The following MARCHF6 variants were observed in gnomAD, a reference collection of about 807,000 sequenced individuals.
MARCHF6 encodes membrane associated ring-CH-type finger 6.
Under a neutral mutation model 133.7 loss-of-function variants are expected in MARCHF6, and 31 were observed. The observed-to-expected ratio is 0.23, with a 90% CI of 0.17 to 0.31. The LOEUF (loss-of-function observed/expected upper bound fraction) is 0.31. Ranked by LOEUF, MARCHF6 falls within the 10% of genes least tolerant of loss-of-function variation. The pLI, the probability that MARCHF6 is intolerant of heterozygous loss-of-function variation, is 1.00. For missense variants in MARCHF6, 723 were observed against 1,121.6 expected (o/e 0.64, Z 5.08); for synonymous variants, 395 against 402.5 (o/e 0.98, Z 0.22).
At chr5:10,385,269 T>C (rs757780830) in intron 4 of MARCHF6, among the ~76,000 whole-genome samples, 59 of 152,168 alleles carry the variant, frequency 3.9e-4, no homozygotes, top group Non-Finnish European at 6.6e-4. Context: ...ACCAAAGATA[T>C]ACATATTTTA....
At chr5:10,403,067 T>C (rs1281272084) in intron 14 of MARCHF6, among the ~76,000 whole-genome samples, 2 of 152,206 alleles carry the variant, frequency 1.3e-5, no homozygotes, top group East Asian at 3.8e-4. Context: ...AAGCTGCCTT[T>C]GGTTCTGAGA....
chr5:10,373,477 T>C (rs367904291), intron 1 of MARCHF6, among the ~76,000 whole-genome samples: 31 of 152,274 alleles, frequency 2.0e-4, no homozygotes, highest in Middle Eastern at 3.4e-3. Context: ...CAGGGCTAGG[T>C]TGTCTAGGTG....
chr5:10,393,579 A>G (rs771763169), intron 7 of MARCHF6, among the ~76,000 whole-genome samples: 1 of 152,162 alleles, frequency 6.6e-6, no homozygotes, highest in Admixed American at 6.5e-5. Context: ...AGTAGCTCCT[A>G]ACTATTCTTT....
chr5:10,381,226 A>G (rs1370251583), intron 3 of MARCHF6, among the ~76,000 whole-genome samples: 1 of 152,224 alleles, frequency 6.6e-6, no homozygotes, highest in Non-Finnish European at 1.5e-5. Context: ...GTGTTGAGCC[A>G]CATTTCTCAG....
chr5:10,437,064 TAAAAC>T lies in MARCHF6; in HGVS notation c.*3389_*3393del, dbSNP rs1369655467. On this transcript the variant is annotated 3_prime_UTR_variant, in exon 26 of 26. Coordinates refer to ENST00000274140, the MANE Select transcript of MARCHF6 (RefSeq NM_005885.4). ...AATTTAGGTTGAATTGATGACTTTT[TAAAAC>T]AAAACAAACACTGGACAGTTCTACA... is the stretch of plus-strand genomic sequence containing the variant. The T allele has an allele frequency of 6.6e-6, 1 of 152,258 alleles. No individual in the cohort carries two copies. The highest frequency in any genetic ancestry group is 1.5e-5 in the Non-Finnish European group (1 of 68,042). 9.4% of individuals were successfully genotyped at this position (152,258 alleles called of 1,614,324 possible).
intron 22 of MARCHF6, among the ~76,000 whole-genome samples, chr5:10,419,867 CAG>C (rs1052049099): frequency 2.6e-5 from 4 of 152,182 alleles, no homozygotes; most frequent in Non-Finnish European, 4.4e-5. Flanking sequence ...GATATTAAGA[CAG>C]GGCATATCAC....
intron 1 of MARCHF6, among the ~76,000 whole-genome samples, chr5:10,366,377 GCTA>G (rs1044305269): frequency 2.6e-5 from 4 of 152,054 alleles, no homozygotes; most frequent in Non-Finnish European, 4.4e-5. Context: ...TATAATTGTA[GCTA>G]CTAATTGTAA....
intron 22 of MARCHF6, chr5:10,421,994 G>C (rs1335748088): frequency 6.6e-6 from 1 of 152,234 alleles, no homozygotes; most frequent in African/African-American, 2.4e-5. Context: ...CAGTTTGACA[G>C]CACTGCTTGC....
chr5:10,372,423 T>G (rs968777738), intron 1 of MARCHF6, among the ~76,000 whole-genome samples: 1 of 152,328 alleles, frequency 6.6e-6, no homozygotes, highest in East Asian at 1.9e-4. Flanking sequence ...TTTTTTATAC[T>G]TCATTATACA....
rs569665779 is a variant in MARCHF6, at chr5:10,371,524, T to C, written c.20-6274T>C. ...CAAAAAGAGAGAGCAAGTGAGCTTG[T>C]GTGGGGGAACTCCTGTTTTTCAAAC... On this transcript the variant is annotated intron_variant, in intron 1 of 25. Transcript: ENST00000274140. Among the ~76,000 whole-genome samples the C allele has an allele frequency of 1.1e-4, 17 of 152,268 alleles. No individual in the cohort carries two copies. In the South Asian group the frequency reaches 3.1e-3, roughly 28 times the overall value.
chr5:10,374,517 C>T lies in MARCHF6; in HGVS notation c.20-3281C>T, dbSNP rs188905528. Among the ~76,000 whole-genome samples, 17 of 152,102 alleles carry T rather than the reference C, an allele frequency of 1.1e-4. 1 individual carries two copies. Among genetic ancestry groups the T allele is most frequent in the Admixed American group, 7.2e-4 (11 of 15,290 alleles). Reference sequence around the variant, plus strand: ...GCTGGTGGGAATCATGGAATGGGAGCGTGGTTCTATTTTGTTTGTGTTGGA... The same window carrying T: ...GCTGGTGGGAATCATGGAATGGGAGTGTGGTTCTATTTTGTTTGTGTTGGA... On this transcript the variant is annotated intron_variant, in intron 1 of 25. Transcript: ENST00000274140.
chr5:10,386,043 C>T (rs944026065), intron 4 of MARCHF6, among the ~76,000 whole-genome samples: 2 of 150,092 alleles, frequency 1.3e-5, no homozygotes, highest in Admixed American at 6.6e-5. Context: ...TTTTTTTTAG[C>T]GATACACAGC....
rs1458680645 is a variant in MARCHF6, at chr5:10,439,326, C to T, written c.*5642C>T. The stretch of plus-strand genomic sequence containing the variant: ...TAAAGTCCAAATGGATTATAGTTCC[C>T]CAAAACTGTATAATTTCTAGAAGAC... On this transcript the variant is annotated 3_prime_UTR_variant, in exon 26 of 26. Transcript: ENST00000274140. 1 of 152,144 alleles carries T rather than the reference C, an allele frequency of 6.6e-6. No homozygotes were observed. The highest frequency in any genetic ancestry group is 2.4e-5 in the African/African-American group (1 of 41,426). The allele number at this position is 152,144 out of a possible 1,614,324, so 9.4% of individuals were successfully genotyped here.
rs1740697729 is a variant in MARCHF6, at chr5:10,437,450, C to T, written c.*3766C>T. Reference sequence around the variant, plus strand: ...CCTCAACCAGGTGTTTTCTTTTCAGCCTGTTACTGTCCTGTGCCATTTTTA... The same window carrying T: ...CCTCAACCAGGTGTTTTCTTTTCAGTCTGTTACTGTCCTGTGCCATTTTTA... On this transcript the variant is annotated 3_prime_UTR_variant, in exon 26 of 26. Transcript: ENST00000274140. 1 of 152,156 alleles carries T rather than the reference C, an allele frequency of 6.6e-6. No individual in the cohort carries two copies. Among genetic ancestry groups the T allele is most frequent in the African/African-American group, 2.4e-5 (1 of 41,424 alleles). The allele number at this position is 152,156 out of a possible 1,614,324, so 9.4% of individuals were successfully genotyped here.
chr5:10,354,093 C>T, intron 1 of MARCHF6, 176 bp downstream of exon 1: 1 of 458,400 alleles, frequency 2.2e-6, no homozygotes. Flanking sequence ...CTGCGCGCCC[C>T]CCGCCGTTTC....
intron 10 of MARCHF6, 36 bp downstream of exon 10, chr5:10,397,380 TATG>T: frequency 1.4e-6 from 2 of 1,480,184 alleles, no homozygotes; most frequent in South Asian, 1.2e-5. Context: ...TTTATAGTAT[TATG>T]GTAGGAATTT....
chr5:10,371,762 CT>C (rs901493980), intron 1 of MARCHF6, among the ~76,000 whole-genome samples: 5 of 152,058 alleles, frequency 3.3e-5, no homozygotes, highest in African/African-American at 4.8e-5. Context: ...CTTTTTTATA[CT>C]TTTTTTTCTT....
At position 10,431,624 on chromosome 5, in the gene MARCHF6, T is replaced by TGA. The variant is rs1056415901; in HGVS notation, c.2642+1598_2642+1599dup. Among the ~76,000 whole-genome samples the TGA allele has an allele frequency of 1.3e-4, 12 of 91,560 alleles. No homozygotes were observed. The South Asian group carries it at 7.1e-3, about 54-fold the overall frequency. The allele number at this position is 91,560 out of a possible 152,430, so 60.1% of individuals were successfully genotyped here. A position where few individuals can be genotyped will look rare whatever the true frequency, so the allele number is the denominator to read the frequency against. On this transcript the variant is annotated intron_variant, in intron 25 of 25. Transcript: ENST00000274140. ...GTCTGTGGGAGGTGCTAAGAGTGAG[T>TGA]GAGTGTGTGTGTGTGTGTGTGTGTG... is the stretch of plus-strand genomic sequence containing the variant.
chr5:10,416,381 T>C (rs527458189), intron 21 of MARCHF6, among the ~76,000 whole-genome samples: 98 of 152,372 alleles, frequency 6.4e-4, no homozygotes, highest in African/African-American at 2.2e-3. Context: ...ATATTAATGT[T>C]GAAGAAAAAT....
Sources: allele counts gnomAD v4.1 joint callset (sites outside exome capture counted in the v4.1 genomes callset), GRCh38; gene constraint gnomAD v4.1.1; transcripts MANE v1.5; gene names NCBI Gene and HGNC (gene_info 2026-07-23, HGNC 2026-07-21).